The following WDHD1 variants were observed in gnomAD, a reference collection of about 807,000 sequenced individuals.
The protein encoded by WDHD1 is WD repeat and HMG-box DNA-binding protein 1.
In WDHD1, 111 loss-of-function variants were observed where a neutral mutation model predicts 135.4. That is an observed-to-expected ratio of 0.82 (90% CI 0.70 to 0.96). WDHD1 has a LOEUF of 0.96. Ranked by LOEUF, WDHD1 falls within the 40% of genes least tolerant of loss-of-function variation. The probability of loss-of-function intolerance (pLI) is 0.00; values close to 1 mark genes in which losing one functional copy is unlikely to be tolerated. For missense variants in WDHD1, 1,351 were observed against 1,336.3 expected, an observed-to-expected ratio of 1.01 and a Z score of -0.17; for synonymous variants, 434 against 439.0, an observed-to-expected ratio of 0.99 and a Z score of 0.14.
chr14:54,945,956 C>G (rs982232452), intron 24 of WDHD1, among the ~76,000 whole-genome samples: 5 of 152,102 alleles, frequency 3.3e-5, no homozygotes, highest in African/African-American at 1.2e-4. Flanking sequence ...TAAAAAATTA[C>G]TAGTATGACC....
intron 14 of WDHD1, among the ~76,000 whole-genome samples, chr14:54,986,655 G>T (rs1348648796): frequency 6.6e-6 from 1 of 152,182 alleles, no homozygotes; most frequent in African/African-American, 2.4e-5. Flanking sequence ...TGATGTCACA[G>T]AAGTCATGAG....
intron 6 of WDHD1, 81 bp downstream of exon 6, chr14:55,008,235 T>C (rs1002288358): frequency 1.5e-6 from 2 of 1,342,304 alleles, no homozygotes; most frequent in African/African-American, 2.9e-5. Flanking sequence ...AAGCAATTAT[T>C]AATTTGGCCC....
At chr14:54,983,927 A>T (rs986164146) in intron 15 of WDHD1, among the ~76,000 whole-genome samples, 2 of 151,714 alleles carry the variant, frequency 1.3e-5, no homozygotes, top group Non-Finnish European at 2.9e-5. Context: ...AATCAACATA[A>T]AAAAATTGAT....
At position 54,945,155 on chromosome 14, in the gene WDHD1, C is replaced by T. The variant is rs1027292719; in HGVS notation, c.3051-685G>A. 3.3e-5 allele frequency among the ~76,000 whole-genome samples: 5 copies of T among 152,168 alleles called. 1 individual carries two copies. The highest frequency in any genetic ancestry group is 7.3e-5 in the Non-Finnish European group (5 of 68,038). On this transcript the variant is annotated intron_variant, in intron 24 of 25. Coordinates refer to ENST00000360586, the MANE Select transcript of WDHD1 (RefSeq NM_007086.4). Reference sequence around the variant, plus strand: ...CCAAACCAGCTATTTGAATTCCTCACGACTTTTCTCAAGCCCCTTTGCCAT... The same window carrying T: ...CCAAACCAGCTATTTGAATTCCTCATGACTTTTCTCAAGCCCCTTTGCCAT...
chr14:54,988,553 C>CAATAAAGTAAA (rs1224539946), intron 13 of WDHD1, among the ~76,000 whole-genome samples: 1 of 151,864 alleles, frequency 6.6e-6, no homozygotes, highest in East Asian at 1.9e-4. Flanking sequence ...AATTACATCT[C>CAATAAAGTAAA]AATAAAGTAA....
chr14:54,995,279 C>G (rs961883443), intron 11 of WDHD1, among the ~76,000 whole-genome samples: 1 of 152,150 alleles, frequency 6.6e-6, no homozygotes, highest in African/African-American at 2.4e-5. Flanking sequence ...CCGTGCCCGG[C>G]CTTATTGATC....
At chr14:54,969,284 C>T (rs1361524667) in intron 16 of WDHD1, among the ~76,000 whole-genome samples, 2 of 151,528 alleles carry the variant, frequency 1.3e-5, no homozygotes, top group Admixed American at 6.6e-5. Context: ...CCTATGCCTC[C>T]CAAAGTGCTG....
intron 7 of WDHD1, chr14:55,005,496 T>C (rs1314500322): frequency 1.9e-5 from 11 of 565,900 alleles, no homozygotes; most frequent in South Asian, 2.9e-5. Context: ...ACAGCAACAA[T>C]GGCACAAGCT....
At chr14:54,991,826 A>G (rs2041796754) in intron 11 of WDHD1, among the ~76,000 whole-genome samples, 1 of 152,156 alleles carries the variant, frequency 6.6e-6, no homozygotes, top group Non-Finnish European at 1.5e-5. Context: ...CACTACTTTT[A>G]CTTAAAAAAC....
chr14:54,949,930 G>A (rs1309884571), intron 24 of WDHD1, among the ~76,000 whole-genome samples: 1 of 152,214 alleles, frequency 6.6e-6, no homozygotes, highest in Middle Eastern at 3.4e-3. Context: ...ATCCTTTACA[G>A]ACAAGCAAAT....
At chr14:55,004,152 C>A (rs951711425) in intron 7 of WDHD1, among the ~76,000 whole-genome samples, 1 of 152,156 alleles carries the variant, frequency 6.6e-6, no homozygotes, top group South Asian at 2.1e-4. Flanking sequence ...ATAGACTCAT[C>A]ATGTAGAAGC....
intron 2 of WDHD1, among the ~76,000 whole-genome samples, chr14:55,025,605 C>G (rs774961197): frequency 1.3e-5 from 2 of 152,242 alleles, no homozygotes; most frequent in Non-Finnish European, 2.9e-5. Flanking sequence ...CTGATCACAT[C>G]TCTCTGCTTC....
chr14:54,949,368 T>G lies in WDHD1; in HGVS notation c.3051-4898A>C, dbSNP rs185498617. ...TACGTGACGAATGCACAAGCCTCAG[T>G]AGCCAATTCAATCAACTGGAAGAAA... is the stretch of plus-strand genomic sequence containing the variant. On this transcript the variant is annotated intron_variant, in intron 24 of 25. Coordinates refer to ENST00000360586, the MANE Select transcript of WDHD1 (RefSeq NM_007086.4). 8.9e-4 allele frequency among the ~76,000 whole-genome samples: 136 copies of G among 152,200 alleles called. 2 individuals are homozygous for G. In the East Asian group the frequency reaches 0.014, roughly 16 times the overall value.
At chr14:55,022,826 T>C (rs1409734809) in intron 2 of WDHD1, among the ~76,000 whole-genome samples, 2 of 135,750 alleles carry the variant, frequency 1.5e-5, no homozygotes, top group African/African-American at 3.2e-5. Flanking sequence ...TTCTCTTTCT[T>C]TTTTTTTTTT....
chr14:54,981,625 G>C lies in WDHD1; in HGVS notation c.1978C>G (p.Pro660Ala). The part of the protein sequence containing the change: ...LNRGLGNTWT[P>A]ICNTREHCKG... The stretch of plus-strand genomic sequence containing the variant: ...CAGTGCTCTCTTGTATTACATATAG[G>C]AGTCCACGTATTACCAAGTCCTCTG... The change falls in exon 16 of 26, where the codon CCT becomes GCT. Residue 660 changes from proline (P) to alanine (A), a missense_variant. Around this residue, in one of 2 missense-constraint regions of WDHD1, gnomAD observed 1,330 missense variants for 1,296.1 expected, o/e 1.03. Coordinates refer to ENST00000360586, the MANE Select transcript of WDHD1 (RefSeq NM_007086.4). 6.2e-7 allele frequency: 1 copy of C among 1,612,382 alleles called. No homozygotes were observed. Among genetic ancestry groups the C allele is most frequent in the Non-Finnish European group, 8.5e-7 (1 of 1,178,580 alleles).
intron 16 of WDHD1, 101 bp from the exon 17 acceptor site, chr14:54,967,495 A>G (rs2041364069): frequency 1.4e-6 from 1 of 699,548 alleles, no homozygotes; most frequent in South Asian, 1.9e-5. Context: ...GAATAGTAAT[A>G]TTATAATAGC....
intron 24 of WDHD1, among the ~76,000 whole-genome samples, chr14:54,945,413 G>C (rs1289388642): frequency 6.6e-6 from 1 of 152,124 alleles, no homozygotes; most frequent in Non-Finnish European, 1.5e-5. Context: ...CTATGAGATG[G>C]ATACAGTTAT....
At chr14:54,989,730 G>A (rs2041754288) in intron 12 of WDHD1, among the ~76,000 whole-genome samples, 1 of 151,752 alleles carries the variant, frequency 6.6e-6, no homozygotes, top group Non-Finnish European at 1.5e-5. Context: ...CATGATCTCG[G>A]CTCACCGCAA....
intron 24 of WDHD1, among the ~76,000 whole-genome samples, chr14:54,949,966 C>T (rs2041013019): frequency 6.6e-6 from 1 of 152,144 alleles, no homozygotes; most frequent in Non-Finnish European, 1.5e-5. Flanking sequence ...CACCACCACG[C>T]CTGCCCTACA....
Sources: allele counts gnomAD v4.1 joint callset (sites outside exome capture counted in the v4.1 genomes callset), GRCh38; gene constraint gnomAD v4.1.1; regional missense constraint gnomAD v4.1.1; transcripts MANE v1.5; gene names NCBI Gene and HGNC (gene_info 2026-07-23, HGNC 2026-07-21).